The following TMEM30A variants were observed in gnomAD, a reference collection of about 807,000 sequenced individuals.
The protein encoded by TMEM30A is cell division cycle 50 P4-ATPase accessory subunit A, also known as cell cycle control protein 50A.
A neutral mutation model predicts 38.2 loss-of-function variants in TMEM30A; 24 were observed. That is an observed-to-expected ratio of 0.63 (90% CI 0.46 to 0.88). TMEM30A has a LOEUF of 0.88. TMEM30A is among the 40% of genes least tolerant of loss of function. The probability of loss-of-function intolerance (pLI) is 0.00; values close to 1 mark genes in which losing one functional copy is unlikely to be tolerated. For missense variants in TMEM30A, 370 were observed against 458.6 expected, an observed-to-expected ratio of 0.81 and a Z score of 1.77; for synonymous variants, 145 against 161.6, an observed-to-expected ratio of 0.90 and a Z score of 0.78.
At chr6:75,258,617 G>T (rs17784765) in intron 6 of TMEM30A, among the ~76,000 whole-genome samples, 163 bp downstream of exon 6, 1 of 152,094 alleles carries the variant, frequency 6.6e-6, no homozygotes. Flanking sequence ...ATTTCTAGAA[G>T]ACGTAAATTT....
At chr6:75,276,572 C>G (rs1328825939) in intron 1 of TMEM30A, among the ~76,000 whole-genome samples, 2 of 151,754 alleles carry the variant, frequency 1.3e-5, no homozygotes, top group Admixed American at 6.6e-5. Flanking sequence ...CATGTGGTGT[C>G]AGAAGTGTTG....
intron 4 of TMEM30A, among the ~76,000 whole-genome samples, 187 bp from the exon 5 acceptor site, chr6:75,259,677 ACTTCT>A (rs1771931625): frequency 1.3e-5 from 2 of 152,216 alleles, no homozygotes; most frequent in Admixed American, 1.3e-4. Context: ...TTCTAGATGG[ACTTCT>A]CTTCCTTTAA....
At chr6:75,262,921 G>A (rs1452440799) in intron 3 of TMEM30A, among the ~76,000 whole-genome samples, 1 of 152,216 alleles carries the variant, frequency 6.6e-6, no homozygotes, top group African/African-American at 2.4e-5. Flanking sequence ...TTGGTAAACA[G>A]TGATTAAAGA....
At position 75,267,691 on chromosome 6, in the gene TMEM30A, C is replaced by T; in HGVS notation, c.295G>A (p.Val99Met). ...SPCNKCLSPDVTPCFCTINFT... is the reference protein window; with the variant it reads ...SPCNKCLSPDMTPCFCTINFT... Reference sequence around the variant, plus strand: ...TTAATGGTACAAAAGCAAGGTGTCACATCCGGAGATAAACATTTATTACAG... The same window carrying T: ...TTAATGGTACAAAAGCAAGGTGTCATATCCGGAGATAAACATTTATTACAG... Residue 99 changes from valine to methionine, a missense_variant, in exon 2 of 7, where the codon GTG (valine) becomes ATG (methionine). By Grantham distance (21) the Val-to-Met change is conservative. Transcript: ENST00000230461. 1 of 1,611,880 alleles carries T rather than the reference C, an allele frequency of 6.2e-7. No homozygotes were observed. The highest frequency in any genetic ancestry group is 8.5e-7 in the Non-Finnish European group (1 of 1,178,986).
chr6:75,254,385 T>C lies in TMEM30A; in HGVS notation c.*1717A>G, dbSNP rs1209265887. 3 of 152,046 alleles carry C rather than the reference T, an allele frequency of 2.0e-5. No homozygotes were observed. Among genetic ancestry groups the C allele is most frequent in the Non-Finnish European group, 4.4e-5 (3 of 67,958 alleles). 9.4% of individuals were successfully genotyped at this position (152,046 alleles called of 1,614,324 possible). A position where few individuals can be genotyped will look rare whatever the true frequency, so the allele number is the denominator to read the frequency against. ...ACAATCTTCAGAATAAATAATATTC[T>C]GAAGGACTGACAAAACAGACTATTT... On this transcript the variant is annotated 3_prime_UTR_variant, in exon 7 of 7. Coordinates refer to ENST00000230461, the MANE Select transcript of TMEM30A (RefSeq NM_018247.4).
chr6:75,259,050 G>T (rs1771918899), intron 5 of TMEM30A, 64 bp from the exon 6 acceptor site: 1 of 1,380,542 alleles, frequency 7.2e-7, no homozygotes, highest in Non-Finnish European at 1.0e-6. Flanking sequence ...AAGTGGCGGA[G>T]AAACGAATAA....
chr6:75,265,780 T>A (rs1018253921), intron 2 of TMEM30A, among the ~76,000 whole-genome samples: 1 of 152,074 alleles, frequency 6.6e-6, no homozygotes, highest in Non-Finnish European at 1.5e-5. Context: ...GGCCCTTAAT[T>A]CCTGGGCTTG....
intron 1 of TMEM30A, among the ~76,000 whole-genome samples, chr6:75,281,882 C>G (rs1772361877): frequency 6.6e-6 from 1 of 152,132 alleles, no homozygotes; most frequent in Non-Finnish European, 1.5e-5. Context: ...AAGCAGGAAA[C>G]AAGTATGTGT....
chr6:75,272,665 C>T (rs556369137), intron 1 of TMEM30A: 7 of 152,382 alleles, frequency 4.6e-5, no homozygotes, highest in South Asian at 4.1e-4. Flanking sequence ...AAAGTAAAGA[C>T]TGCGTTTCTG....
intron 6 of TMEM30A, among the ~76,000 whole-genome samples, chr6:75,257,468 T>C (rs1274136157): frequency 6.6e-6 from 1 of 152,206 alleles, no homozygotes; most frequent in African/African-American, 2.4e-5. Context: ...TCCTCAGTGC[T>C]TCACAGACTT....
intron 6 of TMEM30A, 56 bp from the exon 7 acceptor site, chr6:75,256,351 A>G (rs1286854731): frequency 4.1e-6 from 6 of 1,475,242 alleles, no homozygotes; most frequent in Admixed American, 4.1e-5. Context: ...TTTAAAATAC[A>G]ATTTTAAAAG....
At chr6:75,271,586 C>A (rs1430870275) in intron 1 of TMEM30A, among the ~76,000 whole-genome samples, 1 of 152,202 alleles carries the variant, frequency 6.6e-6, no homozygotes, top group Non-Finnish European at 1.5e-5. Flanking sequence ...ACAGTTTACA[C>A]AGCCTGTTCC....
chr6:75,273,161 C>T (rs1257066049), intron 1 of TMEM30A, among the ~76,000 whole-genome samples: 1 of 152,154 alleles, frequency 6.6e-6, no homozygotes, highest in African/African-American at 2.4e-5. Context: ...ACTTTCTTTC[C>T]TGTCTAAGCT....
chr6:75,260,363 G>A (rs989553066), intron 4 of TMEM30A, among the ~76,000 whole-genome samples: 3 of 151,624 alleles, frequency 2.0e-5, no homozygotes, highest in Admixed American at 6.6e-5. Flanking sequence ...CCGACGTCGC[G>A]CCACTGCACT....
chr6:75,265,793 C>A (rs1772059329), intron 2 of TMEM30A, among the ~76,000 whole-genome samples: 1 of 152,074 alleles, frequency 6.6e-6, no homozygotes, highest in African/African-American at 2.4e-5. Flanking sequence ...TGGGCTTGAG[C>A]CGTTCTACCG....
At chr6:75,268,122 A>C (rs1772099221) in intron 1 of TMEM30A, among the ~76,000 whole-genome samples, 2 of 152,212 alleles carry the variant, frequency 1.3e-5, no homozygotes, top group South Asian at 4.1e-4. Context: ...TCAATCTTAA[A>C]TACTTTTCAG....
At chr6:75,272,441 T>C (rs1489022346) in intron 1 of TMEM30A, 1 of 152,220 alleles carries the variant, frequency 6.6e-6, no homozygotes, top group Non-Finnish European at 1.5e-5. Context: ...TTCCTCTCCT[T>C]CTTTGTTCTC....
At chr6:75,266,022 A>G (rs556936196) in intron 2 of TMEM30A, among the ~76,000 whole-genome samples, 122 of 152,300 alleles carry the variant, frequency 8.0e-4, no homozygotes, top group Non-Finnish European at 1.6e-3. Flanking sequence ...AAGTACTTTA[A>G]TATATTTAAT....
chr6:75,265,403 GTACA>G (rs1772052746), intron 2 of TMEM30A, 65 bp from the exon 3 acceptor site: 1 of 899,644 alleles, frequency 1.1e-6, no homozygotes, highest in African/African-American at 1.8e-5. Context: ...TATTTCATGT[GTACA>G]TAAAAGCTAC....
Sources: gnomAD v4.1 joint callset for allele counts (sites outside exome capture counted in the v4.1 genomes callset) on GRCh38, gnomAD v4.1.1 for gene constraint, MANE v1.5 for transcripts, NCBI Gene and HGNC (gene_info 2026-07-23, HGNC 2026-07-21) for gene names.